Variants in PKNOX2 observed in about 807,000 individuals in gnomAD.
The protein encoded by PKNOX2 is PBX/knotted 1 homeobox 2, also known as homeobox protein PKNOX2.
PKNOX2 carries 14 observed loss-of-function variants against 53.1 expected under a neutral mutation model. The ratio of observed to expected loss-of-function variants is 0.26; its 90% confidence interval spans 0.17 to 0.41. PKNOX2 has a LOEUF of 0.41. PKNOX2 is among the 10% of genes least tolerant of loss of function. The probability of loss-of-function intolerance (pLI) is 1.00; values close to 1 mark genes in which losing one functional copy is unlikely to be tolerated. For missense variants in PKNOX2, 496 were observed against 602.8 expected (o/e 0.82, Z 1.85); for synonymous variants, 257 against 242.8 (o/e 1.06, Z -0.54).
At chr11:125,315,539 G>T (rs1437665254) in intron 2 of PKNOX2, among the ~76,000 whole-genome samples, 3 of 152,114 alleles carry the variant, frequency 2.0e-5, no homozygotes, top group Non-Finnish European at 2.9e-5. Context: ...TTTTCTCCCT[G>T]GCCTGGCCGG....
chr11:125,423,317 G>A (rs1466584481), intron 10 of PKNOX2, among the ~76,000 whole-genome samples: 2 of 152,048 alleles, frequency 1.3e-5, no homozygotes, highest in Admixed American at 6.5e-5. Context: ...AGAGGTGACC[G>A]GTGTGCCTTA....
At chr11:125,297,592 G>A (rs1947740280) in intron 2 of PKNOX2, among the ~76,000 whole-genome samples, 1 of 152,162 alleles carries the variant, frequency 6.6e-6, no homozygotes, top group Non-Finnish European at 1.5e-5. Flanking sequence ...TAAGGAAATT[G>A]GCTGTTCCTG....
intron 3 of PKNOX2, among the ~76,000 whole-genome samples, chr11:125,335,600 G>C (rs116925925): frequency 6.6e-6 from 1 of 152,176 alleles, no homozygotes; most frequent in South Asian, 2.1e-4. Flanking sequence ...CAAGAACTTA[G>C]AGTTGTTACT....
chr11:125,186,488 C>T (rs547758746), intron 1 of PKNOX2, among the ~76,000 whole-genome samples: 18 of 152,000 alleles, frequency 1.2e-4, no homozygotes, highest in African/African-American at 4.1e-4. Flanking sequence ...TCTGTCTCTA[C>T]CAAAAAATAA....
intron 2 of PKNOX2, among the ~76,000 whole-genome samples, chr11:125,257,251 T>C (rs940333523): frequency 4.6e-5 from 7 of 152,322 alleles, no homozygotes; most frequent in African/African-American, 1.7e-4. Context: ...CCTTTTCCTC[T>C]TCGCTGTCCC....
At chr11:125,358,261 C>A (rs566339611) in intron 4 of PKNOX2, among the ~76,000 whole-genome samples, 1 of 152,366 alleles carries the variant, frequency 6.6e-6, no homozygotes, top group South Asian at 2.1e-4. Context: ...CACACACGCA[C>A]ACACATAGAT....
chr11:125,329,650 CTGGCTG>C (rs2136101864), intron 2 of PKNOX2, among the ~76,000 whole-genome samples: 1 of 152,358 alleles, frequency 6.6e-6, no homozygotes, highest in Admixed American at 6.5e-5. Flanking sequence ...AAAATTACTT[CTGGCTG>C]TGGAGGTAGC....
chr11:125,416,030 G>A (rs1017375867), intron 10 of PKNOX2, among the ~76,000 whole-genome samples: 1 of 152,146 alleles, frequency 6.6e-6, no homozygotes, highest in African/African-American at 2.4e-5. Context: ...CAGGCCGGGT[G>A]CGGTGGCTCA....
intron 7 of PKNOX2, among the ~76,000 whole-genome samples, chr11:125,402,264 A>G (rs567052239): frequency 1.3e-5 from 2 of 152,066 alleles, no homozygotes; most frequent in Admixed American, 6.5e-5. Context: ...CAGGCACCCA[A>G]TGACACCCAG....
In PKNOX2 at chr11:125,375,924, G is replaced by T. The variant is rs187127570; in HGVS notation, c.227+7939G>T. Among the ~76,000 whole-genome samples the T allele has an allele frequency of 5.9e-5, 9 of 152,294 alleles. No homozygotes were observed. In the East Asian group the frequency reaches 1.5e-3, roughly 26 times the overall value. On this transcript the variant is annotated intron_variant, in intron 5 of 12. Transcript: ENST00000298282. ...GTAAACTCGTGTCATGGGGTCTGTC[G>T]CACTTCTCTTTTCACTGCCAGAGTC...
intron 2 of PKNOX2, among the ~76,000 whole-genome samples, chr11:125,260,463 C>A (rs1944762168): frequency 6.6e-6 from 1 of 151,868 alleles, no homozygotes; most frequent in Non-Finnish European, 1.5e-5. Flanking sequence ...TCCCAAAGTG[C>A]TGGGATTACA....
intron 1 of PKNOX2, among the ~76,000 whole-genome samples, chr11:125,211,172 A>G (rs964504666): frequency 6.6e-6 from 1 of 152,086 alleles, no homozygotes; most frequent in African/African-American, 2.4e-5. Flanking sequence ...AAGCAGGGAT[A>G]GTTTCCTCTG....
chr11:125,300,583 CAGAG>C (rs1207260569), intron 2 of PKNOX2, among the ~76,000 whole-genome samples: 1 of 151,550 alleles, frequency 6.6e-6, no homozygotes, highest in Non-Finnish European at 1.5e-5. Flanking sequence ...AAAAGAGAGA[CAGAG>C]AGACAGAGAG....
In PKNOX2 at chr11:125,225,005, G is replaced by A. The variant is rs549949598; in HGVS notation, c.-200-10040G>A. Among the ~76,000 whole-genome samples, 393 of 152,286 alleles carry A rather than the reference G, an allele frequency of 2.6e-3. 2 individuals are homozygous for A. Among genetic ancestry groups the A allele is most frequent in the Middle Eastern group, 0.014 (4 of 294 alleles). ...CTGGGTGCTCCCTCCAGTGGCCTTC[G>A]GATGGCTGCCTGGATGGCATCTTTT... On this transcript the variant is annotated intron_variant, in intron 1 of 12. Transcript: ENST00000298282.
At chr11:125,315,365 C>G (rs1452032205) in intron 2 of PKNOX2, among the ~76,000 whole-genome samples, 1 of 148,738 alleles carries the variant, frequency 6.7e-6, no homozygotes, top group East Asian at 2.0e-4. Context: ...CGTTATTAAT[C>G]CTTGTGCTCC....
At chr11:125,181,515 G>C (rs907839382) in intron 1 of PKNOX2, among the ~76,000 whole-genome samples, 5 of 152,178 alleles carry the variant, frequency 3.3e-5, no homozygotes, top group African/African-American at 1.2e-4. Context: ...AGGGACTTGT[G>C]GTAGGGAGGA....
intron 1 of PKNOX2, chr11:125,184,065 C>T (rs1956315691): frequency 6.6e-6 from 1 of 152,188 alleles, no homozygotes; most frequent in Non-Finnish European, 1.5e-5. Flanking sequence ...CATGAAGGAG[C>T]AGACAGTTTG....
chr11:125,346,101 T>C lies in PKNOX2; in HGVS notation c.-22-5183T>C, dbSNP rs1434567709. ...CAGCTTTTCGGTCCCTCCTGCTGAG[T>C]TCACTGTGTTATTTCAGCCTCCTGC... On this transcript the variant is annotated intron_variant, in intron 3 of 12. Transcript: ENST00000298282. 2.0e-5 allele frequency among the ~76,000 whole-genome samples: 3 copies of C among 151,576 alleles called. No homozygotes were observed. The East Asian group carries it at 5.8e-4, about 30-fold the overall frequency.
At chr11:125,181,993 G>A (rs1319477236) in intron 1 of PKNOX2, among the ~76,000 whole-genome samples, 1 of 152,206 alleles carries the variant, frequency 6.6e-6, no homozygotes, top group East Asian at 1.9e-4. Flanking sequence ...AGGTTTTGTT[G>A]ATTGTGTGAC....
Sources: gnomAD v4.1 joint callset for allele counts (sites outside exome capture counted in the v4.1 genomes callset) on GRCh38, gnomAD v4.1.1 for gene constraint, MANE v1.5 for transcripts, NCBI Gene and HGNC (gene_info 2026-07-23, HGNC 2026-07-21) for gene names.